The following DDX31 variants were observed in gnomAD, a reference collection of about 807,000 sequenced individuals.
DDX31 encodes the protein ATP-dependent DNA helicase DDX31.
Under a neutral mutation model 91.3 loss-of-function variants are expected in DDX31, and 70 were observed. That is an observed-to-expected ratio of 0.77 (90% confidence interval 0.63 to 0.94). The LOEUF (loss-of-function observed/expected upper bound fraction) is 0.94. DDX31 is among the 40% of genes least tolerant of loss of function. DDX31 has a pLI of 0.00. For missense variants in DDX31, 902 were observed against 925.0 expected (o/e 0.98, Z 0.32); for synonymous variants, 362 against 350.6 (o/e 1.03, Z -0.36).
At position 132,646,034 on chromosome 9, in the gene DDX31, C is replaced by A. The variant is rs1246380607; in HGVS notation, c.1241G>T (p.Ser414Ile). 1 of 1,614,080 alleles carries A rather than the reference C, an allele frequency of 6.2e-7. No individual in the cohort carries two copies. The highest frequency in any genetic ancestry group is 1.6e-4 in the Middle Eastern group (1 of 6,062). Residue 414 changes from serine to isoleucine, a missense_variant, in exon 13 of 20, where the codon AGT becomes ATT. By Grantham distance (142) the Ser-to-Ile change is moderately radical. Coordinates refer to ENST00000372159, the MANE Select transcript of DDX31 (RefSeq NM_022779.9). ...EDQKMVVFFS[S>I]CELVEFHYSL... The stretch of plus-strand genomic sequence containing the variant: ...GTAGTGGAACTCCACCAGCTCGCAA[C>A]TTGAGAAAAAGACAACCATCTTCTG...
chr9:132,648,599 C>G, intron 9 of DDX31, 48 bp from the exon 10 acceptor site: 1 of 1,563,468 alleles, frequency 6.4e-7, no homozygotes, highest in Non-Finnish European at 8.6e-7. Context: ...AACAGGGCCA[C>G]GCCAGTAGAA....
At chr9:132,626,874 C>CT (rs1225612938) in intron 16 of DDX31, among the ~76,000 whole-genome samples, 1 of 152,082 alleles carries the variant, frequency 6.6e-6, no homozygotes, top group African/African-American at 2.4e-5. Flanking sequence ...TGAGTGAAGC[C>CT]TTTTTACAGC....
chr9:132,659,563 T>C, intron 5 of DDX31, 147 bp downstream of exon 5: 1 of 670,636 alleles, frequency 1.5e-6, no homozygotes, highest in South Asian at 1.8e-5. Flanking sequence ...TGTGAACACA[T>C]TCAGGGCTCT....
At chr9:132,601,101 C>T (rs1001282795) in intron 19 of DDX31, among the ~76,000 whole-genome samples, 8 of 152,280 alleles carry the variant, frequency 5.3e-5, no homozygotes, top group African/African-American at 1.9e-4. Flanking sequence ...GAGGCAGAAT[C>T]CCAGCCCCAC....
At chr9:132,622,753 T>A (rs529903816) in intron 17 of DDX31, among the ~76,000 whole-genome samples, 2 of 152,248 alleles carry the variant, frequency 1.3e-5, no homozygotes, top group Non-Finnish European at 2.9e-5. Context: ...CTGGGATTCA[T>A]GTCCCTGAGT....
At chr9:132,610,489 A>G (rs1330638982) in intron 19 of DDX31, among the ~76,000 whole-genome samples, 1 of 152,200 alleles carries the variant, frequency 6.6e-6, no homozygotes, top group African/African-American at 2.4e-5. Flanking sequence ...ATTAGGCAAC[A>G]CTGTATCCAT....
chr9:132,632,158 T>G lies in DDX31; in HGVS notation c.1441-67A>C. The G allele has an allele frequency of 3.3e-6, 5 of 1,501,356 alleles. No individual in the cohort carries two copies. In the South Asian group the frequency reaches 6.0e-5, roughly 18 times the overall value. 93.0% of individuals were successfully genotyped at this position (1,501,356 alleles called of 1,614,324 possible). ...AACCTTTCTGGGGTCCTGGATATGT[T>G]TGATAATTTAATGCAAACTCTGAGA... On this transcript the variant is annotated intron_variant, in intron 14 of 19. Transcript: ENST00000372159.
chr9:132,665,448 A>G (rs1835245615), intron 1 of DDX31, among the ~76,000 whole-genome samples: 1 of 152,242 alleles, frequency 6.6e-6, no homozygotes, highest in African/African-American at 2.4e-5. Context: ...GAAGAGGTAC[A>G]TAAAAAAGGC....
chr9:132,663,215 T>G, intron 1 of DDX31: 2 of 1,289,206 alleles, frequency 1.6e-6, no homozygotes, highest in Non-Finnish European at 2.0e-6. Flanking sequence ...GCGGAAACAT[T>G]CATTACCATT....
At chr9:132,609,161 C>A (rs1010685101) in intron 19 of DDX31, among the ~76,000 whole-genome samples, 16 of 152,058 alleles carry the variant, frequency 1.1e-4, no homozygotes, top group Non-Finnish European at 2.1e-4. Flanking sequence ...GAACAGAGAG[C>A]GGCATTGTCA....
At chr9:132,669,603 T>C (rs1030120176) in intron 1 of DDX31, 4 of 1,515,258 alleles carry the variant, frequency 2.6e-6, no homozygotes, top group Non-Finnish European at 3.5e-6. Flanking sequence ...TTCCTTCCTT[T>C]ACTTTTCTAG....
intron 18 of DDX31, among the ~76,000 whole-genome samples, chr9:132,616,676 T>G (rs1831647124): frequency 6.6e-6 from 1 of 152,196 alleles, no homozygotes; most frequent in African/African-American, 2.4e-5. Flanking sequence ...AAGACCCTAT[T>G]CCTCTTGAGA....
At chr9:132,627,512 C>A (rs1832468866) in intron 16 of DDX31, among the ~76,000 whole-genome samples, 1 of 152,174 alleles carries the variant, frequency 6.6e-6, no homozygotes, top group Non-Finnish European at 1.5e-5. Context: ...TAAATAAATT[C>A]AGGGAACTGT....
chr9:132,669,162 ACT>A (rs1305730126), intron 1 of DDX31, among the ~76,000 whole-genome samples: 2 of 151,918 alleles, frequency 1.3e-5, no homozygotes, highest in Non-Finnish European at 2.9e-5. Flanking sequence ...AAGGTGGTAG[ACT>A]CTTAATCTCT....
rs899567223 is a variant in DDX31 at position 132,659,924 on chromosome 9, G to A, written c.453-144C>T. On this transcript the variant is annotated intron_variant, in intron 4 of 19. Transcript: ENST00000372159. ...AAGCTATCAAAGCATTCAAATAAAG[G>A]TGTGAAGAAACTTTTGATGATTATA... 7.1e-6 allele frequency: 5 copies of A among 707,416 alleles called. No individual in the cohort carries two copies. In the African/African-American group the frequency reaches 9.0e-5, roughly 13 times the overall value. The allele number at this position is 707,416 out of a possible 1,614,324, so 43.8% of individuals were successfully genotyped here.
intron 16 of DDX31, among the ~76,000 whole-genome samples, chr9:132,629,751 T>C (rs1342749254): frequency 1.3e-5 from 2 of 152,136 alleles, no homozygotes; most frequent in Non-Finnish European, 2.9e-5. Flanking sequence ...AGGTATGAGG[T>C]GCTGAACTGT....
chr9:132,645,869 C>T (rs371158534), intron 13 of DDX31, 26 bp downstream of exon 13: 77 of 1,591,894 alleles, frequency 4.8e-5, no homozygotes, highest in Middle Eastern at 2.0e-4. Context: ...GCAGTGTTGT[C>T]GCTGCACAGG....
intron 14 of DDX31, among the ~76,000 whole-genome samples, chr9:132,635,447 G>A (rs929641541): frequency 3.6e-5 from 5 of 138,396 alleles, no homozygotes; most frequent in Non-Finnish European, 6.2e-5. Context: ...GGATTCATAT[G>A]TACATAGCTT....
intron 19 of DDX31, among the ~76,000 whole-genome samples, chr9:132,609,173 G>C (rs554795354): frequency 6.6e-6 from 1 of 152,072 alleles, no homozygotes. Flanking sequence ...GCATTGTCAC[G>C]GGCGGAGTAA....
Sources: allele counts gnomAD v4.1 joint callset (sites outside exome capture counted in the v4.1 genomes callset), GRCh38; gene constraint gnomAD v4.1.1; transcripts MANE v1.5; gene names NCBI Gene and HGNC (gene_info 2026-07-23, HGNC 2026-07-21).